EYA4: variants seen among roughly 807,000 people sequenced by gnomAD.
EYA4 encodes the protein protein phosphatase EYA4.
A neutral mutation model predicts 87.9 loss-of-function variants in EYA4; 31 were observed. The observed-to-expected ratio is 0.35, with a 90% CI of 0.27 to 0.48. The LOEUF is 0.48. Among genes scored for constraint, EYA4 ranks in the 20% least tolerant of loss-of-function variants. EYA4 has a pLI of 0.99. For synonymous variants in EYA4, 263 were observed against 270.6 expected (o/e 0.97, Z 0.28); for missense variants, 678 against 761.4 (o/e 0.89, Z 1.29).
chr6:133,351,866 A>T (rs749210888), intron 2 of EYA4, among the ~76,000 whole-genome samples: 8 of 152,110 alleles, frequency 5.3e-5, no homozygotes, highest in Non-Finnish European at 1.0e-4. Context: ...CATCTTTAAC[A>T]ATTAGCTACA....
intron 3 of EYA4, among the ~76,000 whole-genome samples, chr6:133,391,222 GTTT>G (rs531819011): frequency 4.9e-4 from 44 of 89,832 alleles, no homozygotes; most frequent in African/African-American, 1.3e-3. Context: ...TTTTGTTTTT[GTTT>G]TTTTTTTTTT....
intron 16 of EYA4, 45 bp downstream of exon 16, chr6:133,513,083 G>T (rs541844764): frequency 3.9e-6 from 6 of 1,552,198 alleles, no homozygotes; most frequent in Non-Finnish European, 5.3e-6. Flanking sequence ...CTGGGTATAG[G>T]TAGAATTCAA....
intron 2 of EYA4, among the ~76,000 whole-genome samples, chr6:133,324,908 T>C (rs1283013704): frequency 4.7e-4 from 65 of 138,524 alleles, no homozygotes; most frequent in Middle Eastern, 3.5e-3. Context: ...GAAGCTATTT[T>C]TTTTTTTTTT....
intron 2 of EYA4, among the ~76,000 whole-genome samples, chr6:133,359,680 A>G (rs1278849167): frequency 6.6e-6 from 1 of 152,176 alleles, no homozygotes; most frequent in Admixed American, 6.5e-5. Flanking sequence ...AATTGATTTT[A>G]CTTTGAAAAT....
chr6:133,311,806 C>T (rs189463050), intron 2 of EYA4, among the ~76,000 whole-genome samples: 4 of 152,192 alleles, frequency 2.6e-5, no homozygotes, highest in Admixed American at 2.6e-4. Context: ...CACTTGTGTC[C>T]AACACCGGCA....
chr6:133,413,991 T>C (rs1469683682), intron 3 of EYA4, among the ~76,000 whole-genome samples: 3 of 152,204 alleles, frequency 2.0e-5, no homozygotes, highest in Admixed American at 2.0e-4. Flanking sequence ...TAGAAAAATG[T>C]GTCTTCTTAA....
chr6:133,530,762 C>T lies in EYA4; in HGVS notation c.*1957C>T, dbSNP rs574459334. On this transcript the variant is annotated 3_prime_UTR_variant, in exon 20 of 20. Coordinates refer to ENST00000355286, the MANE Select transcript of EYA4 (RefSeq NM_004100.5). ...CATTATCTAAACCTTAAACTTAATC[C>T]TTTAAATTTTGTAGCTTTTGGCTGC... 28 of 986,332 alleles carry T rather than the reference C, an allele frequency of 2.8e-5. No homozygotes were observed. Among genetic ancestry groups the T allele is most frequent in the Non-Finnish European group, 3.3e-5 (27 of 830,268 alleles). The allele number at this position is 986,332 out of a possible 1,614,324, so 61.1% of individuals were successfully genotyped here. A position where few individuals can be genotyped will look rare whatever the true frequency, so the allele number is the denominator to read the frequency against.
chr6:133,438,814 G>A (rs1260950891), intron 3 of EYA4, among the ~76,000 whole-genome samples: 2 of 151,942 alleles, frequency 1.3e-5, no homozygotes, highest in African/African-American at 2.4e-5. Context: ...AGGCCGAGGT[G>A]GGTGGATCAC....
chr6:133,319,479 G>A (rs1322902964), intron 2 of EYA4, among the ~76,000 whole-genome samples: 1 of 149,792 alleles, frequency 6.7e-6, no homozygotes, highest in African/African-American at 2.4e-5. Flanking sequence ...TTACATCTTG[G>A]TGGACTTCTC....
intron 3 of EYA4, among the ~76,000 whole-genome samples, chr6:133,434,610 C>CTT (rs1156383792): frequency 1.3e-5 from 2 of 152,192 alleles, no homozygotes; most frequent in African/African-American, 2.4e-5. Context: ...AGTAGAGACT[C>CTT]TTAACACTGC....
At chr6:133,419,730 A>T (rs1406274206) in intron 3 of EYA4, among the ~76,000 whole-genome samples, 1 of 152,196 alleles carries the variant, frequency 6.6e-6, no homozygotes, top group Non-Finnish European at 1.5e-5. Flanking sequence ...TGCAATTAAA[A>T]AACAGTGCAA....
chr6:133,525,524 C>T (rs1478669497), intron 19 of EYA4, among the ~76,000 whole-genome samples: 2 of 151,806 alleles, frequency 1.3e-5, no homozygotes, highest in African/African-American at 4.8e-5. Flanking sequence ...TATATAGTAA[C>T]ATATATATTT....
chr6:133,266,273 G>A (rs566574236), intron 1 of EYA4, among the ~76,000 whole-genome samples: 13 of 152,234 alleles, frequency 8.5e-5, no homozygotes, highest in South Asian at 4.2e-4. Context: ...GCCATGTAAC[G>A]TTAGGCACGG....
At chr6:133,491,860 G>C (rs1797186853) in intron 13 of EYA4, among the ~76,000 whole-genome samples, 1 of 150,640 alleles carries the variant, frequency 6.6e-6, no homozygotes, top group African/African-American at 2.4e-5. Context: ...GCTGAGGCAG[G>C]AGAAGGGCGT....
At chr6:133,375,205 A>T in intron 2 of EYA4, among the ~76,000 whole-genome samples, 1 of 152,006 alleles carries the variant, frequency 6.6e-6, no homozygotes, top group South Asian at 2.1e-4. Context: ...CACCAATCCT[A>T]TGAAGATCTT....
intron 2 of EYA4, among the ~76,000 whole-genome samples, chr6:133,295,930 A>G (rs188386143): frequency 2.0e-5 from 3 of 152,364 alleles, no homozygotes; most frequent in Admixed American, 1.3e-4. Flanking sequence ...GAATATACAA[A>G]TATGTCTAGT....
intron 3 of EYA4, among the ~76,000 whole-genome samples, chr6:133,391,226 T>TTG (rs763455393): frequency 1.2e-5 from 1 of 84,844 alleles, no homozygotes; most frequent in Non-Finnish European, 3.1e-5. Flanking sequence ...GTTTTTGTTT[T>TTG]TTTTTTTTTT....
At chr6:133,483,181 G>T in intron 13 of EYA4, 66 bp downstream of exon 13, 1 of 1,221,518 alleles carries the variant, frequency 8.2e-7, no homozygotes, top group Non-Finnish European at 1.2e-6. Context: ...TTAAAATCAA[G>T]GGCTATTTAA....
intron 2 of EYA4, among the ~76,000 whole-genome samples, chr6:133,365,611 G>T (rs1011048286): frequency 6.6e-6 from 1 of 152,164 alleles, no homozygotes; most frequent in Non-Finnish European, 1.5e-5. Flanking sequence ...GGAAGGGAAA[G>T]CCTGGGCCAT....
Sources: gnomAD v4.1 joint callset for allele counts (sites outside exome capture counted in the v4.1 genomes callset) on GRCh38, gnomAD v4.1.1 for gene constraint, MANE v1.5 for transcripts, NCBI Gene and HGNC (gene_info 2026-07-23, HGNC 2026-07-21) for gene names.